MAST2: variants seen among roughly 807,000 people sequenced by gnomAD.
MAST2 encodes the protein microtubule associated serine/threonine kinase 2, also known as microtubule-associated serine/threonine-protein kinase 2.
A neutral mutation model predicts 147.4 loss-of-function variants in MAST2; 70 were observed. That is an observed-to-expected ratio of 0.47 (90% CI 0.39 to 0.58). The LOEUF is 0.58. Ranked by LOEUF, MAST2 falls within the 20% of genes least tolerant of loss-of-function variation. The probability of loss-of-function intolerance (pLI) is 0.00; values close to 1 mark genes in which losing one functional copy is unlikely to be tolerated. For missense variants in MAST2, 2,080 were observed against 2,302.3 expected (o/e 0.90, Z 1.98); for synonymous variants, 869 against 896.8 (o/e 0.97, Z 0.55).
intron 5 of MAST2, 54 bp downstream of exon 5, chr1:45,959,531 A>C: frequency 1.4e-6 from 2 of 1,428,942 alleles, no homozygotes; most frequent in Non-Finnish European, 2.0e-6. Flanking sequence ...ACAGATGCCC[A>C]ATTTCTTTCC....
At chr1:46,012,540 A>G (rs1326346359) in intron 10 of MAST2, among the ~76,000 whole-genome samples, 1 of 152,192 alleles carries the variant, frequency 6.6e-6, no homozygotes, top group African/African-American at 2.4e-5. Context: ...AATACTTTAT[A>G]TGAATTCTCT....
Position 45,892,552 on chromosome 1 carries a change from T to A in MAST2, c.500+10157T>A, listed in dbSNP as rs116544829. Among the ~76,000 whole-genome samples, 1,013 of 152,360 alleles carry A rather than the reference T, an allele frequency of 6.6e-3. 12 individuals carry two copies. The highest frequency in any genetic ancestry group is 0.023 in the African/African-American group (977 of 41,578). ...TTCTGGAAATTCTGACTCATTCCAC[T>A]GGAATGATCTGGAAGTTGTCCAGTT... On this transcript the variant is annotated intron_variant, in intron 4 of 28. Coordinates refer to ENST00000361297, the MANE Select transcript of MAST2 (RefSeq NM_015112.3).
At chr1:45,816,929 G>A (rs967204943) in intron 1 of MAST2, among the ~76,000 whole-genome samples, 6 of 152,070 alleles carry the variant, frequency 3.9e-5, no homozygotes, top group Non-Finnish European at 5.9e-5. Flanking sequence ...CACCTGCCTC[G>A]GCTTCCCAAA....
At chr1:45,885,619 CACGGCACT>C (rs1349492048) in intron 4 of MAST2, among the ~76,000 whole-genome samples, 1 of 152,154 alleles carries the variant, frequency 6.6e-6, no homozygotes, top group Non-Finnish European at 1.5e-5. Flanking sequence ...GGGTTTCAGT[CACGGCACT>C]ATTACTTACT....
rs370071694 is a variant in MAST2, at chr1:46,032,454, A to G, written c.3414+50A>G. 2.5e-6 allele frequency: 4 copies of G among 1,606,236 alleles called. No individual in the cohort carries two copies. In the African/African-American group the frequency reaches 5.4e-5, roughly 21 times the overall value. ...TGTCTCCCTGCTTCATCATCCTTCC[A>G]GCTTCCCCTTTGTGGAGCCCATCTG... is the stretch of plus-strand genomic sequence containing the variant. On this transcript the variant is annotated intron_variant, in intron 25 of 28. Transcript: ENST00000361297.
intron 3 of MAST2, among the ~76,000 whole-genome samples, chr1:45,860,207 C>CAT (rs1645930227): frequency 6.7e-6 from 1 of 149,774 alleles, no homozygotes; most frequent in African/African-American, 2.5e-5. Flanking sequence ...AAAATACACA[C>CAT]ACACACACAC....
intron 5 of MAST2, among the ~76,000 whole-genome samples, chr1:45,985,524 G>A (rs1050888062): frequency 6.6e-6 from 1 of 152,164 alleles, no homozygotes; most frequent in Non-Finnish European, 1.5e-5. Flanking sequence ...TGTGCTTTTT[G>A]TCACTCATAG....
At chr1:46,018,572 T>G (rs1386227938) in intron 10 of MAST2, among the ~76,000 whole-genome samples, 1 of 152,220 alleles carries the variant, frequency 6.6e-6, no homozygotes, top group Non-Finnish European at 1.5e-5. Context: ...GAAGTCTTCA[T>G]TCTTCCTTTT....
chr1:45,820,866 C>A (rs1189075438), intron 1 of MAST2, among the ~76,000 whole-genome samples: 1 of 135,018 alleles, frequency 7.4e-6, no homozygotes, highest in Admixed American at 7.5e-5. Flanking sequence ...TCTGAAAATG[C>A]CTCGATTTCA....
At chr1:45,959,556 T>C (rs1365349212) in intron 5 of MAST2, 79 bp downstream of exon 5, 1 of 1,166,530 alleles carries the variant, frequency 8.6e-7, no homozygotes, top group African/African-American at 1.5e-5. Flanking sequence ...TCTCATGTTG[T>C]GCAGTTCCGT....
chr1:45,933,670 C>T (rs1655726653), intron 4 of MAST2, among the ~76,000 whole-genome samples: 2 of 151,742 alleles, frequency 1.3e-5, no homozygotes, highest in African/African-American at 4.8e-5. Flanking sequence ...AGGAGAATTG[C>T]TTGAACCTGG....
chr1:45,940,273 A>G (rs1009949543), intron 4 of MAST2, among the ~76,000 whole-genome samples: 2 of 152,046 alleles, frequency 1.3e-5, no homozygotes, highest in Admixed American at 6.6e-5. Flanking sequence ...GATTAAAGGC[A>G]TGAGTCACCA....
Position 45,901,436 on chromosome 1 carries a change from A to T in MAST2, c.500+19041A>T, listed in dbSNP as rs558070370. On this transcript the variant is annotated intron_variant, in intron 4 of 28. Transcript: ENST00000361297. The stretch of plus-strand genomic sequence containing the variant: ...GTATAATTTGAAGTCGAGTAGTGTG[A>T]TGCTTCCAGCTTTGTTATTTTTGCT... 1.2e-4 allele frequency among the ~76,000 whole-genome samples: 18 copies of T among 152,268 alleles called. No individual in the cohort carries two copies. The South Asian group carries it at 2.3e-3, about 19-fold the overall frequency.
intron 3 of MAST2, among the ~76,000 whole-genome samples, chr1:45,872,573 T>C (rs992617460): frequency 1.3e-5 from 2 of 151,856 alleles, no homozygotes; most frequent in South Asian, 2.1e-4. Context: ...CTCCACTTGC[T>C]GGGTTCAAGA....
At chr1:45,940,196 T>G (rs1164937083) in intron 4 of MAST2, among the ~76,000 whole-genome samples, 3 of 151,998 alleles carry the variant, frequency 2.0e-5, no homozygotes, top group African/African-American at 7.3e-5. Flanking sequence ...TTTTGCCGTG[T>G]TGGCCAGGCT....
chr1:45,935,770 A>G (rs1305278979), intron 4 of MAST2, among the ~76,000 whole-genome samples: 2 of 152,160 alleles, frequency 1.3e-5, no homozygotes, highest in Admixed American at 1.3e-4. Flanking sequence ...TACCAGTACT[A>G]TGCTGTTTTG....
chr1:45,965,570 T>A (rs935392973), intron 5 of MAST2, among the ~76,000 whole-genome samples: 7 of 152,194 alleles, frequency 4.6e-5, no homozygotes, highest in African/African-American at 1.7e-4. Context: ...TGTTTTCCAT[T>A]TGCTTGGTAG....
rs1338114132 is a variant in MAST2 at position 46,034,728 on chromosome 1, A to G, written c.4059A>G (p.Pro1353=). 2 of 1,606,236 alleles carry G rather than the reference A, an allele frequency of 1.2e-6. No individual in the cohort carries two copies. The highest frequency in any genetic ancestry group is 1.4e-5 in the African/African-American group (1 of 72,296). The change falls in exon 29 of 29, where the codon CCA becomes CCG. Residue 1353 remains proline, a synonymous_variant. Coordinates refer to ENST00000361297, the MANE Select transcript of MAST2 (RefSeq NM_015112.3). ...CACTGGCCCACACCCCTTCTCCCCCACCCCCAACAGCTTCACCTCAGCGGT... is the reference window on the plus strand; with the variant it reads ...CACTGGCCCACACCCCTTCTCCCCCGCCCCCAACAGCTTCACCTCAGCGGT... ...LSPLAHTPSP[P]PPTASPQRSP... is the part of the protein sequence containing the mutation.
chr1:45,851,712 A>G lies in MAST2; in HGVS notation c.468+22131A>G, dbSNP rs529981695. 2.5e-4 allele frequency among the ~76,000 whole-genome samples: 38 copies of G among 152,234 alleles called. 1 individual carries two copies. The South Asian group carries it at 6.0e-3, about 24-fold the overall frequency. ...TTTATTGAAAGCTTTTTCTACATCT[A>G]TTCATCTGACTTCCTTTTTTCTGCT... On this transcript the variant is annotated intron_variant, in intron 3 of 28. Transcript: ENST00000361297.
Sources: gnomAD v4.1 joint callset for allele counts (sites outside exome capture counted in the v4.1 genomes callset) on GRCh38, gnomAD v4.1.1 for gene constraint, MANE v1.5 for transcripts, NCBI Gene and HGNC (gene_info 2026-07-23, HGNC 2026-07-21) for gene names.